Variants in SLC35F5 observed in about 807,000 individuals in gnomAD.
The protein encoded by SLC35F5 is HCV NS5A-transactivated protein 3.
In SLC35F5, 54 loss-of-function variants were observed where a neutral mutation model predicts 68.6. The observed-to-expected ratio is 0.79, with a 90% confidence interval of 0.63 to 0.99. The LOEUF (loss-of-function observed/expected upper bound fraction) is 0.99. Ranked by LOEUF, SLC35F5 falls within the 50% of genes least tolerant of loss-of-function variation. The pLI, the probability that SLC35F5 is intolerant of heterozygous loss-of-function variation, is 0.00. For synonymous variants in SLC35F5, 211 were observed against 205.2 expected, an observed-to-expected ratio of 1.03 and a Z score of -0.24; for missense variants, 567 against 626.9, an observed-to-expected ratio of 0.90 and a Z score of 1.02.
intron 5 of SLC35F5, among the ~76,000 whole-genome samples, chr2:113,745,113 A>C (rs912963823): frequency 6.6e-6 from 1 of 152,228 alleles, no homozygotes; most frequent in Non-Finnish European, 1.5e-5. Context: ...TCATTACGGC[A>C]TCTGGCCTAG....
intron 13 of SLC35F5, chr2:113,719,589 C>T (rs112198882): frequency 3.2e-5 from 8 of 248,330 alleles, no homozygotes; most frequent in African/African-American, 1.8e-4. Context: ...AGGCATTGTA[C>T]ACTTAGAGTA....
rs1051543705 is a variant in SLC35F5, at chr2:113,755,236, G to T, written c.202C>A (p.Arg68=). ...SQNSGFTQRR[R]MALGIVILLL... ...AGAATAACAATCCCAAGAGCCATTC[G>T]CCTGCGCTGAGTGAAACCACTGTTC... The change falls in exon 3 of 16, where the codon CGA becomes AGA. Residue 68 remains arginine, a synonymous_variant. Transcript: ENST00000245680. 5 of 1,613,996 alleles carry T rather than the reference G, an allele frequency of 3.1e-6. No homozygotes were observed. In the Admixed American group the frequency reaches 6.7e-5, roughly 22 times the overall value.
intron 14 of SLC35F5, among the ~76,000 whole-genome samples, chr2:113,718,899 AAG>A (rs1463778632): frequency 9.3e-5 from 9 of 97,164 alleles, no homozygotes; most frequent in South Asian, 3.3e-4. Flanking sequence ...GAAAGAAAGA[AAG>A]AAAGAAAGAA....
At chr2:113,742,953 G>A in intron 6 of SLC35F5, 74 bp from the exon 7 acceptor site, 2 of 1,374,012 alleles carry the variant, frequency 1.5e-6, no homozygotes, top group Middle Eastern at 1.8e-4. Flanking sequence ...TTAATTTACT[G>A]ATAAATGTAT....
rs899824785 is a variant in SLC35F5, at chr2:113,715,110, G to A, written c.*108C>T. 6.6e-6 allele frequency: 1 copy of A among 152,266 alleles called. No individual in the cohort carries two copies. Among genetic ancestry groups the A allele is most frequent in the Non-Finnish European group, 1.5e-5 (1 of 67,988 alleles). 9.4% of individuals were successfully genotyped at this position (152,266 alleles called of 1,614,324 possible). ...TTTAGAGTTTCAAAGAACTCAAACT[G>A]TTATTTTTCAGACTAGGCACTGAAA... On this transcript the variant is annotated 3_prime_UTR_variant, in exon 16 of 16. Coordinates refer to ENST00000245680, the MANE Select transcript of SLC35F5 (RefSeq NM_025181.5).
intron 13 of SLC35F5, among the ~76,000 whole-genome samples, chr2:113,721,523 C>T (rs1254367666): frequency 6.6e-6 from 1 of 151,814 alleles, no homozygotes. Context: ...AATTAGGTCC[C>T]CTGTGACTAT....
At chr2:113,719,993 G>C (rs143086233) in intron 13 of SLC35F5, among the ~76,000 whole-genome samples, 138 of 151,456 alleles carry the variant, frequency 9.1e-4, no homozygotes, top group African/African-American at 3.2e-3. Context: ...TCATTTATCA[G>C]AGTTGTCAAG....
intron 13 of SLC35F5, chr2:113,719,662 G>C (rs1361028618): frequency 6.2e-6 from 1 of 162,106 alleles, no homozygotes; most frequent in African/African-American, 2.4e-5. Flanking sequence ...TTCACTGTTT[G>C]CTGCCTAGTC....
chr2:113,707,362 T>A lies in SLC35F5; in HGVS notation c.*7856A>T, dbSNP rs1455379820. Among the ~76,000 whole-genome samples, 1 of 152,160 alleles carries A rather than the reference T, an allele frequency of 6.6e-6. No homozygotes were observed. Among genetic ancestry groups the A allele is most frequent in the African/African-American group, 2.4e-5 (1 of 41,438 alleles). ...ATCTTGTCTTATATAAATATACAAA[T>A]CACAGTATGCTGACACTAGATAACT... On this transcript the variant is annotated 3_prime_UTR_variant, in exon 16 of 16. Coordinates refer to ENST00000245680, the MANE Select transcript of SLC35F5 (RefSeq NM_025181.5).
rs765861884 is a variant in SLC35F5, at chr2:113,731,693, AAGCC to A, written c.921-49_921-46del. 9.7e-6 allele frequency: 14 copies of A among 1,438,800 alleles called. No individual in the cohort carries two copies. In the African/African-American group the frequency reaches 1.4e-4, roughly 14 times the overall value. 89.1% of individuals were successfully genotyped at this position (1,438,800 alleles called of 1,614,324 possible). On this transcript the variant is annotated intron_variant, in intron 9 of 15. Transcript: ENST00000245680. ...TAATGATGAGCTAAAGAATTCTGAA[AAGCC>A]TAATCATGAAGATAAAAATTATTTA...
intron 7 of SLC35F5, among the ~76,000 whole-genome samples, chr2:113,736,632 A>G (rs538829098): frequency 3.3e-5 from 5 of 152,290 alleles, no homozygotes; most frequent in African/African-American, 1.2e-4. Context: ...GGATTGAAAA[A>G]AGGCTATATT....
intron 7 of SLC35F5, among the ~76,000 whole-genome samples, chr2:113,741,163 T>C (rs1676257908): frequency 1.3e-5 from 2 of 151,978 alleles, no homozygotes; most frequent in African/African-American, 4.8e-5. Context: ...TTATGCTAAG[T>C]GAAATAAACC....
chr2:113,739,473 CAAAG>C (rs998285721), intron 7 of SLC35F5, among the ~76,000 whole-genome samples: 5 of 152,084 alleles, frequency 3.3e-5, no homozygotes, highest in African/African-American at 1.2e-4. Flanking sequence ...TCTGACTTCC[CAAAG>C]AAATGCCTTT....
In SLC35F5 at chr2:113,715,022, C is replaced by T. The variant is rs1278442427; in HGVS notation, c.*196G>A. 6.6e-6 allele frequency: 1 copy of T among 152,524 alleles called. No homozygotes were observed. The highest frequency in any genetic ancestry group is 6.5e-5 in the Admixed American group (1 of 15,272). The allele number at this position is 152,524 out of a possible 1,614,324, so 9.4% of individuals were successfully genotyped here. A position where few individuals can be genotyped will look rare whatever the true frequency, so the allele number is the denominator to read the frequency against. The stretch of plus-strand genomic sequence containing the variant: ...CTTCCTATAACTGTAGTGATATGTA[C>T]ACAGCTACATAGCAAAGTGCTTCAT... On this transcript the variant is annotated 3_prime_UTR_variant, in exon 16 of 16. Coordinates refer to ENST00000245680, the MANE Select transcript of SLC35F5 (RefSeq NM_025181.5).
chr2:113,734,770 C>T (rs1688024128), intron 8 of SLC35F5, 97 bp from the exon 9 acceptor site: 1 of 671,886 alleles, frequency 1.5e-6, no homozygotes, highest in Non-Finnish European at 2.6e-6. Context: ...AATTATATAC[C>T]TACCTTTCAA....
At chr2:113,756,196 T>G (rs1676979637) in intron 1 of SLC35F5, 174 bp downstream of exon 1, 1 of 1,478,220 alleles carries the variant, frequency 6.8e-7, no homozygotes, top group Admixed American at 2.3e-5. Flanking sequence ...TTGCCAGCGG[T>G]GGGCGCAGGG....
chr2:113,726,770 A>G (rs1389234036), intron 11 of SLC35F5, among the ~76,000 whole-genome samples: 1 of 152,198 alleles, frequency 6.6e-6, no homozygotes, highest in Non-Finnish European at 1.5e-5. Context: ...AGGCCCAGAC[A>G]TATTAGCTGC....
At chr2:113,731,504 G>A (rs1354970440) in intron 10 of SLC35F5, 80 bp downstream of exon 10, 1 of 1,051,924 alleles carries the variant, frequency 9.5e-7, no homozygotes, top group Non-Finnish European at 1.5e-6. Context: ...TACCCTTTGT[G>A]CGTTCATCTG....
At position 113,750,473 on chromosome 2, in the gene SLC35F5, T is replaced by G; in HGVS notation, c.369A>C (p.Pro123=). Residue 123 remains proline, a synonymous_variant, in exon 4 of 16, where the codon CCA becomes CCC. Coordinates refer to ENST00000245680, the MANE Select transcript of SLC35F5 (RefSeq NM_025181.5). Reference sequence around the variant, plus strand: ...GTCCTCTTGTACACTGTTGTCTCCATGGCTTCCAAATAATAAAGCCCAAAA... The same window carrying G: ...GTCCTCTTGTACACTGTTGTCTCCAGGGCTTCCAAATAATAAAGCCCAAAA... ...LYLLGFIIWK[P]WRQQCTRGLR... 1 of 1,613,642 alleles carries G rather than the reference T, an allele frequency of 6.2e-7. No homozygotes were observed. Among genetic ancestry groups the G allele is most frequent in the African/African-American group, 1.3e-5 (1 of 75,022 alleles).
Sources: gnomAD v4.1 joint callset for allele counts (sites outside exome capture counted in the v4.1 genomes callset) on GRCh38, gnomAD v4.1.1 for gene constraint, MANE v1.5 for transcripts, NCBI Gene and HGNC (gene_info 2026-07-23, HGNC 2026-07-21) for gene names.